Variants in DOCK1 observed in about 807,000 individuals in gnomAD.
DOCK1 encodes dedicator of cytokinesis protein 1.
Under a neutral mutation model 262.7 loss-of-function variants are expected in DOCK1, and 138 were observed. The ratio of observed to expected loss-of-function variants is 0.53; its 90% CI spans 0.46 to 0.61. The LOEUF (loss-of-function observed/expected upper bound fraction) is 0.61, where lower values mean the gene tolerates loss of function less well. Among genes scored for constraint, DOCK1 ranks in the 20% least tolerant of loss-of-function variants. The pLI is 0.00. For synonymous variants in DOCK1, 866 were observed against 867.4 expected (o/e 1.00, Z 0.03); for missense variants, 1,908 against 2,370.7 (o/e 0.80, Z 4.05).
At chr10:127,440,285 T>C (rs1453856089) in intron 49 of DOCK1, among the ~76,000 whole-genome samples, 1 of 152,012 alleles carries the variant, frequency 6.6e-6, no homozygotes, top group African/African-American at 2.4e-5. Context: ...ACGAGAGATC[T>C]GCTCCCAGGA....
chr10:127,264,129 G>A (rs1442330745), intron 29 of DOCK1, among the ~76,000 whole-genome samples: 3 of 152,134 alleles, frequency 2.0e-5, no homozygotes, highest in Non-Finnish European at 2.9e-5. Context: ...ACTACATAGC[G>A]TGTAACAAAA....
intron 23 of DOCK1, among the ~76,000 whole-genome samples, chr10:127,068,694 T>C (rs887743242): frequency 2.6e-5 from 4 of 152,210 alleles, no homozygotes; most frequent in African/African-American, 9.7e-5. Flanking sequence ...CTCTTTTTGC[T>C]TATTTAGCAT....
At chr10:127,277,632 G>T (rs117009944) in intron 29 of DOCK1, among the ~76,000 whole-genome samples, 2,446 of 152,100 alleles carry the variant, frequency 0.016, 27 homozygotes, top group South Asian at 0.033. Context: ...GTGTGGTGGC[G>T]GGCACCTGTA....
At chr10:127,128,629 G>T (rs1352427776) in intron 27 of DOCK1, among the ~76,000 whole-genome samples, 14 of 152,164 alleles carry the variant, frequency 9.2e-5, no homozygotes. Flanking sequence ...TTATGAGTGA[G>T]AACATGTGGT....
chr10:127,394,352 T>TAAAAAA (rs34284692), intron 38 of DOCK1, among the ~76,000 whole-genome samples: 28 of 133,052 alleles, frequency 2.1e-4, no homozygotes, highest in African/African-American at 4.8e-4. Context: ...TGCACCAATG[T>TAAAAAA]AAAAAAAAAA....
chr10:127,067,331 CAAATATTACTA>C (rs1404286959), intron 23 of DOCK1, among the ~76,000 whole-genome samples: 1 of 152,158 alleles, frequency 6.6e-6, no homozygotes, highest in Non-Finnish European at 1.5e-5. Flanking sequence ...TTCAAGTCCA[CAAATATTACTA>C]CCTTCCCTTA....
At chr10:127,330,383 C>T (rs1410526574) in intron 29 of DOCK1, among the ~76,000 whole-genome samples, 2 of 151,244 alleles carry the variant, frequency 1.3e-5, no homozygotes, top group Admixed American at 6.6e-5. Context: ...TAAACCACCT[C>T]ACACCGATTA....
At chr10:127,093,242 CTT>C (rs200302331) in intron 23 of DOCK1, among the ~76,000 whole-genome samples, 2 of 79,334 alleles carry the variant, frequency 2.5e-5, no homozygotes, top group Admixed American at 1.5e-4. Flanking sequence ...TTTCTTTCTT[CTT>C]TTTTTTTTTT....
chr10:127,448,022 C>T (rs869270), intron 51 of DOCK1, among the ~76,000 whole-genome samples: 108,449 of 152,114 alleles, frequency 0.71, 39,872 homozygotes, highest in East Asian at 0.99. Context: ...CTCCAGGCAG[C>T]CTCACCTGGT....
At chr10:127,232,559 AC>A (rs1381565724) in intron 27 of DOCK1, among the ~76,000 whole-genome samples, 1 of 152,142 alleles carries the variant, frequency 6.6e-6, no homozygotes, top group Admixed American at 6.5e-5. Flanking sequence ...TGATATTCCT[AC>A]CATATTTACC....
intron 29 of DOCK1, among the ~76,000 whole-genome samples, chr10:127,306,877 C>T (rs1350147853): frequency 6.6e-6 from 1 of 152,066 alleles, no homozygotes; most frequent in East Asian, 1.9e-4. Flanking sequence ...TAATCTCTCT[C>T]TCGATAAGAA....
intron 25 of DOCK1, among the ~76,000 whole-genome samples, chr10:127,113,528 GTGT>G (rs1350266204): frequency 1.3e-5 from 2 of 152,228 alleles, no homozygotes; most frequent in African/African-American, 2.4e-5. Context: ...TCTGAAACTG[GTGT>G]TGTTCCTCTG....
At position 127,311,593 on chromosome 10, in the gene DOCK1, C is replaced by G. The variant is rs145736936; in HGVS notation, c.3045-27413C>G. The stretch of plus-strand genomic sequence containing the variant: ...CAAAATCCCCGCAAAAGAATGAAAT[C>G]TGAAACACTTCTGGTTTTAAGCATT... On this transcript the variant is annotated intron_variant, in intron 29 of 51. Coordinates refer to ENST00000623213, the MANE Select transcript of DOCK1 (RefSeq NM_001290223.2). 6.5e-3 allele frequency among the ~76,000 whole-genome samples: 988 copies of G among 152,302 alleles called. 9 individuals are homozygous for G. The highest frequency in any genetic ancestry group is 0.01 in the Non-Finnish European group (704 of 68,034).
intron 16 of DOCK1, among the ~76,000 whole-genome samples, chr10:127,030,177 C>T (rs1469548744): frequency 1.3e-5 from 2 of 152,166 alleles, no homozygotes; most frequent in Non-Finnish European, 2.9e-5. Context: ...GTGGATGTGT[C>T]ATTCTCCCTC....
chr10:126,999,144 C>A (rs1000639520), intron 8 of DOCK1, among the ~76,000 whole-genome samples: 4 of 151,850 alleles, frequency 2.6e-5, no homozygotes, highest in African/African-American at 9.7e-5. Flanking sequence ...ACAGTGACAA[C>A]CCAAGACATT....
At position 127,100,067 on chromosome 10, in the gene DOCK1, CCCATGGCCCT is replaced by C. The variant is rs1214145132; in HGVS notation, c.2446-6157_2446-6148del. Among the ~76,000 whole-genome samples, 1 of 152,102 alleles carries C rather than the reference CCCATGGCCCT, an allele frequency of 6.6e-6. No individual in the cohort carries two copies. Among genetic ancestry groups the C allele is most frequent in the Non-Finnish European group, 1.5e-5 (1 of 68,012 alleles). ...TGAGTCTGGGGTGGTGGGGCCAGAG[CCCATGGCCCT>C]CCATGGGTGTGGGATAGGTTCCCTG... On this transcript the variant is annotated intron_variant, in intron 23 of 51. Transcript: ENST00000623213. This position sits in a 1 kb window ranked among gnomAD's most constrained non-coding sequence, Gnocchi z 5.5.
At chr10:127,038,482 G>A (rs930371850) in intron 19 of DOCK1, among the ~76,000 whole-genome samples, 45 of 152,122 alleles carry the variant, frequency 3.0e-4, no homozygotes, top group African/African-American at 7.5e-4. Flanking sequence ...CTGCAGGGTC[G>A]TTGTGGAGCC....
Position 127,447,526 on chromosome 10 carries a change from C to T in DOCK1, c.5546C>T (p.Pro1849Leu), listed in dbSNP as rs757123723. 3.1e-6 allele frequency: 5 copies of T among 1,613,894 alleles called. No homozygotes were observed. In the East Asian group the frequency reaches 8.9e-5, roughly 29 times the overall value. Residue 1849 changes from proline to leucine, a missense_variant, in exon 51 of 52, where the codon CCT becomes CTT. By Grantham distance (98) the Pro-to-Leu change is moderately conservative (BLOSUM62 -3). Around this residue, in one of 9 missense-constraint regions of DOCK1, gnomAD observed 383 missense variants for 420.1 expected, o/e 0.91. Transcript: ENST00000623213. The stretch of plus-strand genomic sequence containing the variant: ...TTGCTGGGCTCGCCAACACCTCCAC[C>T]TCCCCCTCCACACCAGAGGGTAAGT... Reference protein sequence around the residue: ...QDLLGSPTPPPPPPHQRHLPP... With the variant: ...QDLLGSPTPPLPPPHQRHLPP...
chr10:127,098,244 C>T (rs1264453756), intron 23 of DOCK1, among the ~76,000 whole-genome samples: 1 of 152,180 alleles, frequency 6.6e-6, no homozygotes. Context: ...CAGGAAAAAT[C>T]TTCAATGTCC....
Sources: allele counts gnomAD v4.1 joint callset (sites outside exome capture counted in the v4.1 genomes callset), GRCh38; gene constraint gnomAD v4.1.1; regional missense constraint gnomAD v4.1.1; non-coding constraint Gnocchi (gnomAD v3.1); transcripts MANE v1.5; gene names NCBI Gene and HGNC (gene_info 2026-07-23, HGNC 2026-07-21).